Variants in RAB30 observed in about 807,000 individuals in gnomAD.
The protein encoded by RAB30 is ras-related protein Rab-30.
A neutral mutation model predicts 25.1 loss-of-function variants in RAB30; 9 were observed. The ratio of observed to expected loss-of-function variants is 0.36; its 90% CI spans 0.22 to 0.63. The LOEUF (loss-of-function observed/expected upper bound fraction) is 0.63, where lower values mean the gene tolerates loss of function less well. RAB30 is among the 20% of genes least tolerant of loss of function. RAB30 has a pLI of 0.69. For missense variants in RAB30, 140 were observed against 243.5 expected, an observed-to-expected ratio of 0.58 and a Z score of 2.83; for synonymous variants, 77 against 86.4, an observed-to-expected ratio of 0.89 and a Z score of 0.60.
intron 1 of RAB30, among the ~76,000 whole-genome samples, chr11:83,011,653 GAA>G (rs148304705): frequency 0.016 from 2,486 of 152,290 alleles, 82 homozygotes; most frequent in African/African-American, 0.057. Context: ...CAGATCAGAA[GAA>G]AGTTGAAGGA....
intron 1 of RAB30, among the ~76,000 whole-genome samples, chr11:83,017,058 G>A (rs956545470): frequency 6.6e-6 from 1 of 152,134 alleles, no homozygotes; most frequent in Non-Finnish European, 1.5e-5. Context: ...AGGTATAGAA[G>A]CTGGGCACGG....
At chr11:83,031,401 T>C (rs757855830) in intron 1 of RAB30, among the ~76,000 whole-genome samples, 1 of 152,250 alleles carries the variant, frequency 6.6e-6, no homozygotes, top group African/African-American at 2.4e-5. Flanking sequence ...CCTTAGAGTG[T>C]AATTCCACTT....
At chr11:83,011,493 G>A (rs1398653125) in intron 1 of RAB30, among the ~76,000 whole-genome samples, 2 of 152,210 alleles carry the variant, frequency 1.3e-5, no homozygotes. Context: ...CCTAACACCT[G>A]TAGATGACTC....
intron 1 of RAB30, among the ~76,000 whole-genome samples, chr11:83,057,541 C>G (rs1315451518): frequency 6.6e-6 from 1 of 152,144 alleles, no homozygotes; most frequent in Non-Finnish European, 1.5e-5. Flanking sequence ...AAATAGCTCT[C>G]TGCAACAAAA....
At chr11:82,991,543 A>G (rs2121451259) in intron 3 of RAB30, among the ~76,000 whole-genome samples, 1 of 151,352 alleles carries the variant, frequency 6.6e-6, no homozygotes, top group South Asian at 2.1e-4. Flanking sequence ...TGACAATAAG[A>G]CAACTATGCA....
At chr11:83,064,251 A>G (rs1313553084) in intron 1 of RAB30, among the ~76,000 whole-genome samples, 1 of 151,932 alleles carries the variant, frequency 6.6e-6, no homozygotes, top group African/African-American at 2.4e-5. Context: ...GCGCCACCAC[A>G]CCCAGCTAAA....
In RAB30 at chr11:82,981,889, TA is replaced by T. The variant is rs757827611; in HGVS notation, c.*275del. 87 of 418,846 alleles carry T rather than the reference TA, an allele frequency of 2.1e-4. No individual in the cohort carries two copies. Among genetic ancestry groups the T allele is most frequent in the Non-Finnish European group, 3.3e-4 (76 of 229,176 alleles). 25.9% of individuals were successfully genotyped at this position (418,846 alleles called of 1,614,324 possible). A position where few individuals can be genotyped will look rare whatever the true frequency, so the allele number is the denominator to read the frequency against. ...TAGGAATGCGCTTTTACTTGCTTTT[TA>T]AAAAAACAAAAGCAACATGCTCTGC... is the stretch of plus-strand genomic sequence containing the variant. On this transcript the variant is annotated 3_prime_UTR_variant, in exon 5 of 5. Transcript: ENST00000527633.
chr11:83,028,616 A>C (rs1401767671), intron 1 of RAB30, among the ~76,000 whole-genome samples: 1 of 152,210 alleles, frequency 6.6e-6, no homozygotes, highest in Admixed American at 6.5e-5. Flanking sequence ...TCTCTACAGC[A>C]ACAATAAAAA....
At chr11:83,055,710 G>A (rs1267810893) in intron 1 of RAB30, among the ~76,000 whole-genome samples, 1 of 152,248 alleles carries the variant, frequency 6.6e-6, no homozygotes, top group Non-Finnish European at 1.5e-5. Context: ...TAGGCCATGA[G>A]CGCTCCATGC....
At chr11:82,997,162 C>G (rs924756115) in intron 2 of RAB30, 62 bp downstream of exon 2, 3 of 1,377,396 alleles carry the variant, frequency 2.2e-6, no homozygotes, top group Non-Finnish European at 2.1e-6. Context: ...TTCCCCCAAC[C>G]CCTCAGGCTA....
rs966490120 is a variant in RAB30 at position 82,978,349 on chromosome 11, A to T, written c.*3816T>A. ...GATTAAGAAATAAAAAAGACATTAG[A>T]TTTTTGCCCTAAATGACAGGTAATA... On this transcript the variant is annotated 3_prime_UTR_variant, in exon 5 of 5. Transcript: ENST00000527633. 30 of 152,164 alleles carry T rather than the reference A, an allele frequency of 2.0e-4. No individual in the cohort carries two copies. Among genetic ancestry groups the T allele is most frequent in the African/African-American group, 6.8e-4 (28 of 41,436 alleles). 9.4% of individuals were successfully genotyped at this position (152,164 alleles called of 1,614,324 possible).
At chr11:83,061,710 C>T (rs372098150) in intron 1 of RAB30, among the ~76,000 whole-genome samples, 521 of 79,860 alleles carry the variant, frequency 6.5e-3, no homozygotes, top group Admixed American at 7.4e-3. Flanking sequence ...TCTTTCTTTT[C>T]TTTTTTTTTT....
At chr11:83,003,778 T>G (rs1857134010) in intron 1 of RAB30, among the ~76,000 whole-genome samples, 1 of 151,888 alleles carries the variant, frequency 6.6e-6, no homozygotes, top group Non-Finnish European at 1.5e-5. Flanking sequence ...ACAAATTTGT[T>G]AATTTAAAAA....
At chr11:83,066,689 T>C (rs1400879928) in intron 1 of RAB30, among the ~76,000 whole-genome samples, 1 of 152,208 alleles carries the variant, frequency 6.6e-6, no homozygotes, top group Non-Finnish European at 1.5e-5. Context: ...TAGCTGGGAC[T>C]ACAGGCATGC....
rs1856542564 is a variant in RAB30 at position 82,976,133 on chromosome 11, A to G, written c.*6032T>C. ...CCAAAGGCAAAAGGATGGATCAGAC[A>G]AATGAATTCCTTTTAAGGCACCCTT... On this transcript the variant is annotated 3_prime_UTR_variant, in exon 5 of 5. Coordinates refer to ENST00000527633, the MANE Select transcript of RAB30 (RefSeq NM_001286060.2). 1 of 152,192 alleles carries G rather than the reference A, an allele frequency of 6.6e-6. No homozygotes were observed. Among genetic ancestry groups the G allele is most frequent in the African/African-American group, 2.4e-5 (1 of 41,454 alleles). 9.4% of individuals were successfully genotyped at this position (152,192 alleles called of 1,614,324 possible). A position where few individuals can be genotyped will look rare whatever the true frequency, so the allele number is the denominator to read the frequency against.
chr11:82,994,666 G>C (rs1856923517), intron 2 of RAB30, among the ~76,000 whole-genome samples: 1 of 152,142 alleles, frequency 6.6e-6, no homozygotes, highest in South Asian at 2.1e-4. Context: ...ACAGTTTTGG[G>C]ATCTGTCTTT....
intron 1 of RAB30, among the ~76,000 whole-genome samples, chr11:83,047,639 C>T (rs1022833422): frequency 1.1e-4 from 16 of 152,212 alleles, no homozygotes; most frequent in Non-Finnish European, 2.1e-4. Context: ...CCTGCCTCGA[C>T]TCTTGACCAC....
At chr11:82,997,436 A>G in intron 1 of RAB30, 112 bp from the exon 2 acceptor site, 1 of 732,378 alleles carries the variant, frequency 1.4e-6, no homozygotes, top group East Asian at 2.7e-5. Context: ...TTTAAAGAGC[A>G]ATTTAAAGCT....
At chr11:83,029,006 G>A (rs950981541) in intron 1 of RAB30, among the ~76,000 whole-genome samples, 5 of 152,120 alleles carry the variant, frequency 3.3e-5, no homozygotes, top group African/African-American at 1.2e-4. Flanking sequence ...CTGGGCAACT[G>A]AGTGAGACCC....
Sources: gnomAD v4.1 joint callset for allele counts (sites outside exome capture counted in the v4.1 genomes callset) on GRCh38, gnomAD v4.1.1 for gene constraint, MANE v1.5 for transcripts, NCBI Gene and HGNC (gene_info 2026-07-23, HGNC 2026-07-21) for gene names.